The following TDRP variants were observed in gnomAD, a reference collection of about 807,000 sequenced individuals.
The protein encoded by TDRP is testis development related protein, also known as testis development-related protein.
Under a neutral mutation model 10.5 loss-of-function variants are expected in TDRP, and 12 were observed. The ratio of observed to expected loss-of-function variants is 1.15; its 90% CI spans 0.73 to 1.86. The LOEUF is 1.86. Among genes scored for constraint, TDRP ranks in the 40% most tolerant of loss-of-function variants. The probability of loss-of-function intolerance (pLI) is 0.00; values close to 1 mark genes in which losing one functional copy is unlikely to be tolerated. For missense variants in TDRP, 353 were observed against 229.2 expected, an observed-to-expected ratio of 1.54 and a Z score of -3.49; for synonymous variants, 139 against 95.4, an observed-to-expected ratio of 1.46 and a Z score of -2.67.
chr8:532,238 T>A lies in TDRP; in HGVS notation c.108+12412A>T, dbSNP rs115329660. Among the ~76,000 whole-genome samples, 280 of 152,308 alleles carry A rather than the reference T, an allele frequency of 1.8e-3. 1 individual carries two copies. Among genetic ancestry groups the A allele is most frequent in the African/African-American group, 6.5e-3 (271 of 41,572 alleles). ...TGCCTGTGTTGCATCTGCTCACATG[T>A]GGTGGCCAGCACTCAGTCATGAGCC... On this transcript the variant is annotated intron_variant, in intron 1 of 2. Transcript: ENST00000324079.
At chr8:522,133 T>C (rs1315695774) in intron 1 of TDRP, among the ~76,000 whole-genome samples, 1 of 152,228 alleles carries the variant, frequency 6.6e-6, no homozygotes, top group African/African-American at 2.4e-5. Context: ...TAGGGTTCTC[T>C]ACATACAAGG....
intron 1 of TDRP, among the ~76,000 whole-genome samples, chr8:538,249 G>A (rs12541726): frequency 0.12 from 18,053 of 152,202 alleles, 1,154 homozygotes; most frequent in East Asian, 0.23. Context: ...GGTGGGCCAA[G>A]AACTCAGACA....
Position 492,748 on chromosome 8 carries a change from T to C in TDRP, c.213-4A>G. The C allele has an allele frequency of 3.1e-6, 5 of 1,593,896 alleles. No homozygotes were observed. The highest frequency in any genetic ancestry group is 1.1e-5 in the South Asian group (1 of 87,694). ...TTCTTTTAATCGTAAGTTAGTTCTA[T>C]AGGAGATGAAAGAGTTAGGTGTTGG... On this transcript the variant is annotated splice_region_variant and splice_polypyrimidine_tract_variant and intron_variant, in intron 2 of 2. Transcript: ENST00000324079.
At chr8:504,846 CTT>C (rs986795047) in intron 1 of TDRP, among the ~76,000 whole-genome samples, 2 of 152,108 alleles carry the variant, frequency 1.3e-5, no homozygotes, top group Admixed American at 1.3e-4. Context: ...GGAACCCAGA[CTT>C]ATAAATTCAT....
chr8:545,161 C>T (rs542394321), upstream of TDRP, among the ~76,000 whole-genome samples: 5 of 145,536 alleles, frequency 3.4e-5, no homozygotes, highest in African/African-American at 1.0e-4. Flanking sequence ...TCCCCGCCAC[C>T]GCCCCGGCGA....
At chr8:501,947 C>G (rs1258061124) in intron 1 of TDRP, among the ~76,000 whole-genome samples, 1 of 152,196 alleles carries the variant, frequency 6.6e-6, no homozygotes, top group Admixed American at 6.5e-5. Flanking sequence ...CAGTTCTGGA[C>G]AAAGGCTTAG....
intron 1 of TDRP, among the ~76,000 whole-genome samples, chr8:539,482 T>C (rs932049872): frequency 3.3e-5 from 5 of 152,160 alleles, no homozygotes; most frequent in African/African-American, 9.7e-5. Context: ...CTGTATAACA[T>C]TTAACACACA....
At chr8:516,058 G>A (rs890428123) in intron 1 of TDRP, among the ~76,000 whole-genome samples, 1 of 152,092 alleles carries the variant, frequency 6.6e-6, no homozygotes, top group Admixed American at 6.6e-5. Context: ...AATAAATAAA[G>A]AGAAAAATCA....
At chr8:545,047 G>T (rs907206391), upstream of TDRP, 5 of 154,920 alleles carry the variant, frequency 3.2e-5, no homozygotes, top group African/African-American at 5.4e-5. Context: ...GACCAGACCC[G>T]CCCCCAAACC....
intron 1 of TDRP, among the ~76,000 whole-genome samples, chr8:544,177 T>C (rs1320801986): frequency 2.6e-5 from 4 of 152,136 alleles, no homozygotes; most frequent in Admixed American, 1.3e-4. Flanking sequence ...AGCTGCTTAG[T>C]GTCCGCGAGG....
chr8:520,977 T>G (rs962050781), intron 1 of TDRP, among the ~76,000 whole-genome samples: 5 of 152,176 alleles, frequency 3.3e-5, no homozygotes, highest in Non-Finnish European at 7.4e-5. Flanking sequence ...TTCCTGTGTT[T>G]TGGTGTCATA....
At chr8:505,234 G>A (rs1478953869) in intron 1 of TDRP, among the ~76,000 whole-genome samples, 1 of 152,130 alleles carries the variant, frequency 6.6e-6, no homozygotes, top group Non-Finnish European at 1.5e-5. Context: ...TTGTTCAGCA[G>A]GTTTGTTAAG....
chr8:504,558 C>G (rs1241770569), intron 1 of TDRP, among the ~76,000 whole-genome samples: 1 of 152,176 alleles, frequency 6.6e-6, no homozygotes, highest in Non-Finnish European at 1.5e-5. Flanking sequence ...TGGGCTCTGC[C>G]ACAAACCGTG....
chr8:494,028 C>A (rs576741893), intron 2 of TDRP, among the ~76,000 whole-genome samples: 2 of 120,242 alleles, frequency 1.7e-5, no homozygotes, highest in Non-Finnish European at 3.2e-5. Context: ...CAGAGTCTTG[C>A]TCTGTTGCCT....
chr8:516,034 A>AAATT (rs1371305891), intron 1 of TDRP, among the ~76,000 whole-genome samples: 3 of 152,220 alleles, frequency 2.0e-5, no homozygotes, highest in Non-Finnish European at 4.4e-5. Context: ...AAATTACATT[A>AAATT]AAAACAAGAT....
intron 1 of TDRP, among the ~76,000 whole-genome samples, chr8:511,487 A>G (rs1204355511): frequency 6.6e-6 from 1 of 152,224 alleles, no homozygotes; most frequent in East Asian, 1.9e-4. Flanking sequence ...ATGGACAGAC[A>G]TAAAGGGAGA....
At chr8:515,573 T>G (rs905694978) in intron 1 of TDRP, among the ~76,000 whole-genome samples, 1 of 152,348 alleles carries the variant, frequency 6.6e-6, no homozygotes, top group Middle Eastern at 3.4e-3. Context: ...GCATTTCACA[T>G]TTTTAGATTA....
At chr8:509,694 C>A (rs2116774080) in intron 1 of TDRP, among the ~76,000 whole-genome samples, 1 of 152,270 alleles carries the variant, frequency 6.6e-6, no homozygotes, top group Middle Eastern at 3.4e-3. Flanking sequence ...GCCCTGGAGA[C>A]AATTTCCCTA....
chr8:529,937 T>C (rs1415070805), intron 1 of TDRP, among the ~76,000 whole-genome samples: 1 of 152,194 alleles, frequency 6.6e-6, no homozygotes, highest in South Asian at 2.1e-4. Context: ...ATATTTGGGA[T>C]GTTTTGCACC....
Sources: allele counts gnomAD v4.1 joint callset (sites outside exome capture counted in the v4.1 genomes callset), GRCh38; gene constraint gnomAD v4.1.1; transcripts MANE v1.5; gene names NCBI Gene and HGNC (gene_info 2026-07-23, HGNC 2026-07-21).